The following CREB5 variants were observed in gnomAD, a reference collection of about 807,000 sequenced individuals.
CREB5 encodes the protein cAMP responsive element binding protein 5, also known as cyclic AMP-responsive element-binding protein 5.
Under a neutral mutation model 57.1 loss-of-function variants are expected in CREB5, and 19 were observed. The observed-to-expected ratio is 0.33, with a 90% CI of 0.23 to 0.49. The LOEUF is 0.49. CREB5 is among the 20% of genes least tolerant of loss of function. The pLI is 0.99. For missense variants in CREB5, 579 were observed against 671.6 expected (o/e 0.86, Z 1.52); for synonymous variants, 238 against 238.3 (o/e 1.00, Z 0.01).
At chr7:28,770,351 A>T (rs1420045334) in intron 7 of CREB5, among the ~76,000 whole-genome samples, 4 of 152,210 alleles carry the variant, frequency 2.6e-5, no homozygotes, top group African/African-American at 9.6e-5. Flanking sequence ...TAATCTCACC[A>T]CTAGAGTTGG....
chr7:28,589,030 A>G (rs999183740), intron 5 of CREB5, among the ~76,000 whole-genome samples: 3 of 152,172 alleles, frequency 2.0e-5, no homozygotes, highest in African/African-American at 4.8e-5. Context: ...GACTCACTCT[A>G]TGGTCACTTT....
chr7:28,481,462 G>A (rs1426875216), intron 1 of CREB5, among the ~76,000 whole-genome samples: 2 of 152,124 alleles, frequency 1.3e-5, no homozygotes, highest in African/African-American at 2.4e-5. Flanking sequence ...CCCTCTTCAC[G>A]CCAAGTTCTG....
intron 1 of CREB5, among the ~76,000 whole-genome samples, chr7:28,342,610 G>A: frequency 6.6e-6 from 1 of 152,146 alleles, no homozygotes; most frequent in Non-Finnish European, 1.5e-5. Flanking sequence ...CTTCTATACA[G>A]TAGTAATACT....
chr7:28,363,922 G>A (rs1786536252), intron 1 of CREB5, among the ~76,000 whole-genome samples: 1 of 152,184 alleles, frequency 6.6e-6, no homozygotes, highest in South Asian at 2.1e-4. Flanking sequence ...TTTCTGAGTT[G>A]AGTTAACATG....
chr7:28,436,328 G>C (rs1042177025), intron 1 of CREB5, among the ~76,000 whole-genome samples: 1 of 152,100 alleles, frequency 6.6e-6, no homozygotes, highest in Non-Finnish European at 1.5e-5. Context: ...TGAGAACTCA[G>C]TCACAGCTAC....
Position 28,397,125 on chromosome 7 carries a change from G to C in CREB5, c.-25+97684G>C, listed in dbSNP as rs114487051. Among the ~76,000 whole-genome samples the C allele has an allele frequency of 9.1e-3, 1,385 of 152,230 alleles. 20 individuals are homozygous for C. The highest frequency in any genetic ancestry group is 0.031 in the African/African-American group (1,301 of 41,542). On this transcript the variant is annotated intron_variant, in intron 1 of 9. Coordinates refer to the CREB5 transcript ENST00000396299. ...TTATTTTAAAGGCGCAGTGTAATGA[G>C]TTGAAAATACAGAGGAAAAAAACTC...
At chr7:28,428,642 G>A (rs1457202122) in intron 1 of CREB5, among the ~76,000 whole-genome samples, 3 of 152,192 alleles carry the variant, frequency 2.0e-5, no homozygotes, top group African/African-American at 7.2e-5. Context: ...GTAGAACAGG[G>A]TCAGTGTGGG....
chr7:28,565,246 A>G (rs1795431424), intron 4 of CREB5, among the ~76,000 whole-genome samples: 1 of 152,242 alleles, frequency 6.6e-6, no homozygotes, highest in Non-Finnish European at 1.5e-5. Flanking sequence ...CTGAGGCAGG[A>G]ATCCTTTTGG....
chr7:28,343,198 C>T lies in CREB5; in HGVS notation c.-25+43757C>T, dbSNP rs113339697. Among the ~76,000 whole-genome samples, 386 of 152,260 alleles carry T rather than the reference C, an allele frequency of 2.5e-3. 2 individuals are homozygous for T. The highest frequency in any genetic ancestry group is 8.9e-3 in the African/African-American group (371 of 41,544). On this transcript the variant is annotated intron_variant, in intron 1 of 9. Coordinates refer to the CREB5 transcript ENST00000396299. ...TTTGTGATCTGCCTGCCTCGGCCTCCGAAAGTGCTGGGATTACAGGCATGA... is the reference window on the plus strand; with the variant it reads ...TTTGTGATCTGCCTGCCTCGGCCTCTGAAAGTGCTGGGATTACAGGCATGA...
At chr7:28,720,630 C>G (rs552656941) in intron 6 of CREB5, among the ~76,000 whole-genome samples, 87 of 152,152 alleles carry the variant, frequency 5.7e-4, no homozygotes, top group Non-Finnish European at 1.1e-3. Context: ...AGATTAGAAA[C>G]AGTCTTTGCA....
In CREB5 at chr7:28,412,898, C is replaced by T; in HGVS notation, c.-17C>T. On this transcript the variant is annotated 5_prime_UTR_variant, in exon 1 of 11. Transcript: ENST00000357727. ...GACTGCAGGAAGCAACACGTTGCTG[C>T]TTTTATTCTACAGATAATGGTAAGG... 1 of 1,491,968 alleles carries T rather than the reference C, an allele frequency of 6.7e-7. No homozygotes were observed. The highest frequency in any genetic ancestry group is 8.9e-7 in the Non-Finnish European group (1 of 1,118,016). 92.4% of individuals were successfully genotyped at this position (1,491,968 alleles called of 1,614,324 possible).
chr7:28,642,991 C>T (rs961871094), intron 5 of CREB5, among the ~76,000 whole-genome samples: 4,945 of 113,858 alleles, frequency 0.043, 105 homozygotes, highest in African/African-American at 0.081. Flanking sequence ...CACACATACA[C>T]ACACACACAC....
intron 1 of CREB5, among the ~76,000 whole-genome samples, chr7:28,437,380 TTGGTACTCC>T (rs1583460914): frequency 7.4e-6 from 1 of 135,994 alleles, no homozygotes; most frequent in East Asian, 3.1e-4. Context: ...GCCTCCTTTC[TTGGTACTCC>T]GAATCACTCT....
At chr7:28,347,023 T>C (rs1786072286) in intron 1 of CREB5, among the ~76,000 whole-genome samples, 1 of 152,244 alleles carries the variant, frequency 6.6e-6, no homozygotes, top group Non-Finnish European at 1.5e-5. Context: ...GGGCCAAGAC[T>C]ATTTGCATAC....
intron 5 of CREB5, among the ~76,000 whole-genome samples, chr7:28,592,661 T>C (rs956210802): frequency 1.3e-5 from 2 of 152,136 alleles, no homozygotes; most frequent in African/African-American, 4.8e-5. Flanking sequence ...TAGTCTCATA[T>C]GGAGGAGGTG....
chr7:28,783,049 T>C (rs534624441), intron 7 of CREB5, among the ~76,000 whole-genome samples: 5 of 152,278 alleles, frequency 3.3e-5, no homozygotes, highest in African/African-American at 9.6e-5. Context: ...TTCCACATAA[T>C]TGGGGATTGA....
At chr7:28,344,072 G>T (rs1785989107) in intron 1 of CREB5, among the ~76,000 whole-genome samples, 2 of 148,256 alleles carry the variant, frequency 1.3e-5, no homozygotes, top group African/African-American at 2.5e-5. Context: ...CTATTGAGTT[G>T]AGTTCATTAT....
rs1341738923 is a variant in CREB5 at position 28,494,810 on chromosome 7, A to G, written c.76-96A>G. The G allele has an allele frequency of 5.3e-6, 4 of 751,344 alleles. No homozygotes were observed. In the African/African-American group the frequency reaches 5.4e-5, roughly 10 times the overall value. The allele number at this position is 751,344 out of a possible 1,614,324, so 46.5% of individuals were successfully genotyped here. ...TTTTGTTTTGCCTGTCATGTTTGCA[A>G]TGCTAAATAAGTCTTTTTCTCAATA... On this transcript the variant is annotated intron_variant, in intron 2 of 10. Coordinates refer to ENST00000357727, the MANE Select transcript of CREB5 (RefSeq NM_182898.4).
intron 7 of CREB5, among the ~76,000 whole-genome samples, chr7:28,759,843 G>C (rs1805545303): frequency 6.6e-6 from 1 of 152,206 alleles, no homozygotes. Context: ...GACATGCTCA[G>C]GTTTATGTTT....
Sources: gnomAD v4.1 joint callset for allele counts (sites outside exome capture counted in the v4.1 genomes callset) on GRCh38, gnomAD v4.1.1 for gene constraint, MANE v1.5 for transcripts, NCBI Gene and HGNC (gene_info 2026-07-23, HGNC 2026-07-21) for gene names.